Variants in RYK observed in about 807,000 individuals in gnomAD.
The protein encoded by RYK is inactive tyrosine-protein kinase RYK.
Under a neutral mutation model 70.2 loss-of-function variants are expected in RYK, and 21 were observed. That is an observed-to-expected ratio of 0.30 (90% CI 0.21 to 0.43). The LOEUF is 0.43. Among genes scored for constraint, RYK ranks in the 20% least tolerant of loss-of-function variants. The probability of loss-of-function intolerance (pLI) is 1.00; values close to 1 mark genes in which losing one functional copy is unlikely to be tolerated. For synonymous variants in RYK, 267 were observed against 278.0 expected, an observed-to-expected ratio of 0.96 and a Z score of 0.39; for missense variants, 604 against 753.3, an observed-to-expected ratio of 0.80 and a Z score of 2.32.
At chr3:134,233,913 T>C (rs2015131960) in intron 1 of RYK, among the ~76,000 whole-genome samples, 1 of 152,184 alleles carries the variant, frequency 6.6e-6, no homozygotes, top group Admixed American at 6.5e-5. Flanking sequence ...CTAGAATAGT[T>C]CATGCATGTA....
intron 1 of RYK, among the ~76,000 whole-genome samples, chr3:134,249,952 G>T (rs1437536039): frequency 6.6e-5 from 8 of 120,536 alleles, no homozygotes; most frequent in Non-Finnish European, 1.2e-4. Context: ...TTGTAAAAGG[G>T]TAAGCACAGA....
At chr3:134,190,020 T>C (rs969456726) in intron 8 of RYK, among the ~76,000 whole-genome samples, 4 of 152,202 alleles carry the variant, frequency 2.6e-5, no homozygotes, top group Admixed American at 2.0e-4. Context: ...TGCATACAAA[T>C]AGGCTTGCTC....
intron 2 of RYK, among the ~76,000 whole-genome samples, chr3:134,219,335 T>A (rs1397446385): frequency 6.6e-6 from 1 of 152,194 alleles, no homozygotes; most frequent in Non-Finnish European, 1.5e-5. Context: ...CGGTGTATTT[T>A]AACTGTTTTA....
chr3:134,203,318 A>G (rs889801567), intron 5 of RYK, among the ~76,000 whole-genome samples: 2 of 152,218 alleles, frequency 1.3e-5, no homozygotes. Context: ...ACTGTACTCC[A>G]GCGTGGGCGA....
chr3:134,231,963 G>A (rs1394883173), intron 1 of RYK, among the ~76,000 whole-genome samples: 1 of 152,070 alleles, frequency 6.6e-6, no homozygotes, highest in African/African-American at 2.4e-5. Context: ...CTTTCAATCT[G>A]CCCTTCAATG....
At position 134,211,614 on chromosome 3, in the gene RYK, A is replaced by C. The variant is rs867406853; in HGVS notation, c.355-7T>G. Reference sequence around the variant, plus strand: ...ATCCCAGCTTATATTCAACCTGTAAAATAGACAAAAATAAACAAAATGGAC... The same window carrying C: ...ATCCCAGCTTATATTCAACCTGTAACATAGACAAAAATAAACAAAATGGAC... On this transcript the variant is annotated splice_polypyrimidine_tract_variant and splice_region_variant and intron_variant, in intron 2 of 14. Coordinates refer to ENST00000623711, the MANE Select transcript of RYK (RefSeq NM_002958.4). 1 of 1,594,470 alleles carries C rather than the reference A, an allele frequency of 6.3e-7. No individual in the cohort carries two copies. Among genetic ancestry groups the C allele is most frequent in the Admixed American group, 1.7e-5 (1 of 59,952 alleles).
At chr3:134,167,621 A>C (rs1319990757) in intron 13 of RYK, among the ~76,000 whole-genome samples, 2 of 152,214 alleles carry the variant, frequency 1.3e-5, no homozygotes, top group South Asian at 2.1e-4. Flanking sequence ...ACAAACATTA[A>C]TTCAAGATGG....
intron 8 of RYK, 67 bp from the exon 9 acceptor site, chr3:134,188,990 G>A (rs979191377): frequency 3.2e-6 from 3 of 925,776 alleles, no homozygotes; most frequent in Non-Finnish European, 4.9e-6. Flanking sequence ...AAAACTTTCT[G>A]GCACAATATA....
intron 10 of RYK, among the ~76,000 whole-genome samples, chr3:134,182,630 T>G (rs2013336127): frequency 6.6e-6 from 1 of 152,182 alleles, no homozygotes; most frequent in Non-Finnish European, 1.5e-5. Context: ...ATGTTTATTA[T>G]ACTTGACTTT....
rs529845968 is a variant in RYK at position 134,209,823 on chromosome 3, C to T, written c.461G>A (p.Arg154Gln). 17 of 1,479,702 alleles carry T rather than the reference C, an allele frequency of 1.1e-5. No individual in the cohort carries two copies. In the African/African-American group the frequency reaches 1.9e-4, roughly 17 times the overall value. The allele number at this position is 1,479,702 out of a possible 1,614,324, so 91.7% of individuals were successfully genotyped here. A position where few individuals can be genotyped will look rare whatever the true frequency, so the allele number is the denominator to read the frequency against. Residue 154 changes from arginine (R) to glutamine (Q), a missense_variant, in exon 4 of 15, where the codon CGG becomes CAG. Coordinates refer to ENST00000623711, the MANE Select transcript of RYK (RefSeq NM_002958.4). Reference sequence around the variant, plus strand: ...TTTGCCAGTACAGGAAAGCTCTACCCGAAACACTGTTTAAAAAAGATAAGA... The same window carrying T: ...TTTGCCAGTACAGGAAAGCTCTACCTGAAACACTGTTTAAAAAAGATAAGA... ...GEVPRTLSVFRVELSCTGKVD... is the reference protein window; with the variant it reads ...GEVPRTLSVFQVELSCTGKVD...
At position 134,177,391 on chromosome 3, in the gene RYK, A is replaced by C. The variant is rs142042691; in HGVS notation, c.1305+550T>G. Reference sequence around the variant, plus strand: ...CAAGATACAGCTGACAGCAAAAAAAACCCACTAGGCTTTACTACCACTACC... The same window carrying C: ...CAAGATACAGCTGACAGCAAAAAAACCCCACTAGGCTTTACTACCACTACC... On this transcript the variant is annotated intron_variant, in intron 11 of 14. Coordinates refer to ENST00000623711, the MANE Select transcript of RYK (RefSeq NM_002958.4). Among the ~76,000 whole-genome samples, 72 of 150,678 alleles carry C rather than the reference A, an allele frequency of 4.8e-4. No individual in the cohort carries two copies. The East Asian group carries it at 6.6e-3, about 14-fold the overall frequency.
intron 14 of RYK, 136 bp downstream of exon 14, chr3:134,159,101 G>C (rs1383048031): frequency 2.2e-6 from 2 of 920,994 alleles, no homozygotes; most frequent in African/African-American, 1.7e-5. Flanking sequence ...TTTTTTATAA[G>C]AGTCTAATTT....
At chr3:134,158,915 A>G (rs969565795) in intron 14 of RYK, among the ~76,000 whole-genome samples, 31 of 152,344 alleles carry the variant, frequency 2.0e-4, no homozygotes, top group African/African-American at 6.5e-4. Flanking sequence ...TAACTACTTT[A>G]TAACTATAAA....
intron 1 of RYK, among the ~76,000 whole-genome samples, chr3:134,243,495 G>T (rs2107697546): frequency 6.6e-6 from 1 of 152,276 alleles, no homozygotes; most frequent in Non-Finnish European, 1.5e-5. Flanking sequence ...GCAGCTCACT[G>T]AAGAATTCAC....
chr3:134,249,527 G>A (rs1474291104), intron 1 of RYK, among the ~76,000 whole-genome samples: 1 of 152,062 alleles, frequency 6.6e-6, no homozygotes, highest in African/African-American at 2.4e-5. Context: ...CTTTTTGGGG[G>A]GTCGTTCCTG....
chr3:134,231,371 G>A (rs1455311458), intron 1 of RYK, among the ~76,000 whole-genome samples: 1 of 152,010 alleles, frequency 6.6e-6, no homozygotes. Context: ...ATTGCTCAAG[G>A]TCTCTCTAGT....
intron 13 of RYK, among the ~76,000 whole-genome samples, chr3:134,160,478 TAC>T (rs1056635179): frequency 6.6e-5 from 10 of 151,996 alleles, no homozygotes; most frequent in African/African-American, 2.4e-4. Flanking sequence ...CTTTGTAAAA[TAC>T]ACAGATTTTT....
At chr3:134,237,081 C>A (rs1231165972) in intron 1 of RYK, among the ~76,000 whole-genome samples, 1 of 152,090 alleles carries the variant, frequency 6.6e-6, no homozygotes, top group African/African-American at 2.4e-5. Context: ...GTTATTCTTG[C>A]AAAACTCTTA....
intron 11 of RYK, 68 bp downstream of exon 11, chr3:134,177,873 T>C (rs2013162191): frequency 7.5e-7 from 1 of 1,332,628 alleles, no homozygotes; most frequent in Non-Finnish European, 1.1e-6. Context: ...AGAATGTTAA[T>C]ATCTACTTTC....
Sources: gnomAD v4.1 joint callset for allele counts (sites outside exome capture counted in the v4.1 genomes callset) on GRCh38, gnomAD v4.1.1 for gene constraint, MANE v1.5 for transcripts, NCBI Gene and HGNC (gene_info 2026-07-23, HGNC 2026-07-21) for gene names.